Variants in TBC1D30 observed in about 807,000 individuals in gnomAD.
The protein encoded by TBC1D30 is TBC1 domain family member 30.
Under a neutral mutation model 63.2 loss-of-function variants are expected in TBC1D30, and 31 were observed. The observed-to-expected ratio is 0.49, with a 90% CI of 0.37 to 0.66. The LOEUF (loss-of-function observed/expected upper bound fraction) is 0.66. Ranked by LOEUF, TBC1D30 falls within the 30% of genes least tolerant of loss-of-function variation. TBC1D30 has a pLI of 0.00. For missense variants in TBC1D30, 810 were observed against 953.6 expected (o/e 0.85, Z 1.98); for synonymous variants, 307 against 361.5 (o/e 0.85, Z 1.71).
At chr12:64,843,769 G>A (rs910154019) in intron 8 of TBC1D30, among the ~76,000 whole-genome samples, 1 of 152,086 alleles carries the variant, frequency 6.6e-6, no homozygotes. Context: ...AAATCACCAA[G>A]TGCTTATTCT....
chr12:64,792,253 T>G (rs1871967536), intron 2 of TBC1D30, among the ~76,000 whole-genome samples: 1 of 152,186 alleles, frequency 6.6e-6, no homozygotes, highest in African/African-American at 2.4e-5. Context: ...TGTTAAAAGC[T>G]CCCTGTGTGC....
At chr12:64,873,311 G>A (rs1197986043) in intron 11 of TBC1D30, among the ~76,000 whole-genome samples, 1 of 152,156 alleles carries the variant, frequency 6.6e-6, no homozygotes, top group African/African-American at 2.4e-5. Flanking sequence ...TGAAGATTTA[G>A]TTAGGTCACT....
intron 10 of TBC1D30, 48 bp downstream of exon 10, chr12:64,866,951 T>C: frequency 6.5e-7 from 1 of 1,527,548 alleles, no homozygotes; most frequent in Non-Finnish European, 8.8e-7. Flanking sequence ...ATTGGTTTAC[T>C]ACAATAAGAG....
chr12:64,787,250 C>T, intron 2 of TBC1D30: 1 of 330,200 alleles, frequency 3.0e-6, no homozygotes, highest in Non-Finnish European at 4.3e-6. Flanking sequence ...ACATTAAATA[C>T]TAGGTATAAA....
upstream of TBC1D30, among the ~76,000 whole-genome samples, chr12:64,776,867 C>G (rs1426392824): frequency 6.6e-6 from 1 of 152,212 alleles, no homozygotes; most frequent in Non-Finnish European, 1.5e-5. Context: ...CAACAAAATA[C>G]TGGCAAACTG....
chr12:64,870,855 G>T (rs965846215), intron 11 of TBC1D30, 47 bp downstream of exon 11: 1 of 1,519,300 alleles, frequency 6.6e-7, no homozygotes, highest in African/African-American at 1.4e-5. Flanking sequence ...ATCTCAACTT[G>T]TAAAATGAAG....
upstream of TBC1D30, among the ~76,000 whole-genome samples, chr12:64,824,240 G>A (rs1874081871): frequency 6.6e-6 from 1 of 151,738 alleles, no homozygotes; most frequent in East Asian, 1.9e-4. Context: ...CATTTTCTCC[G>A]CGCCTCTCTA....
chr12:64,860,648 G>A (rs1024233318), intron 8 of TBC1D30, among the ~76,000 whole-genome samples: 1 of 152,236 alleles, frequency 6.6e-6, no homozygotes. Flanking sequence ...GTATGAAAAT[G>A]CAGACATTTG....
At chr12:64,810,184 T>C (rs1333375904) in intron 2 of TBC1D30, among the ~76,000 whole-genome samples, 1 of 152,158 alleles carries the variant, frequency 6.6e-6, no homozygotes, top group African/African-American at 2.4e-5. Context: ...AATAGCAAAA[T>C]ATAGCTCCCA....
intron 2 of TBC1D30, among the ~76,000 whole-genome samples, chr12:64,816,035 CTTTT>C (rs11338586): frequency 7.0e-6 from 1 of 143,352 alleles, no homozygotes. Flanking sequence ...GTTCAGAATA[CTTTT>C]TTTTTTTTTT....
intron 1 of TBC1D30, among the ~76,000 whole-genome samples, chr12:64,765,453 C>T (rs1870672872): frequency 7.8e-6 from 1 of 128,986 alleles, no homozygotes. Flanking sequence ...TGCGCCACTA[C>T]ACTCCAGTAG....
At chr12:64,772,183 G>A (rs1231148654) in intron 1 of TBC1D30, among the ~76,000 whole-genome samples, 1 of 147,380 alleles carries the variant, frequency 6.8e-6, no homozygotes, top group African/African-American at 2.5e-5. Context: ...GTTGTGGTGA[G>A]CCGAGATCGT....
chr12:64,800,151 G>A (rs1331617117), intron 2 of TBC1D30, among the ~76,000 whole-genome samples: 1 of 152,086 alleles, frequency 6.6e-6, no homozygotes, highest in African/African-American at 2.4e-5. Context: ...TGTGCCCTGT[G>A]GACAGGGGTA....
intron 2 of TBC1D30, among the ~76,000 whole-genome samples, chr12:64,794,324 A>G (rs1872118164): frequency 6.6e-6 from 1 of 151,608 alleles, no homozygotes; most frequent in South Asian, 2.1e-4. Context: ...CAGTTCTGGA[A>G]ATTTTCTCTG....
At chr12:64,777,722 A>G (rs948472298), upstream of TBC1D30, among the ~76,000 whole-genome samples, 1 of 152,214 alleles carries the variant, frequency 6.6e-6, no homozygotes, top group African/African-American at 2.4e-5. Context: ...CCATTAAACT[A>G]CCATTGACAT....
At chr12:64,803,029 G>A (rs1282907555) in intron 2 of TBC1D30, among the ~76,000 whole-genome samples, 1 of 152,194 alleles carries the variant, frequency 6.6e-6, no homozygotes, top group Non-Finnish European at 1.5e-5. Context: ...GGATGGCTGG[G>A]TCAAATGGTA....
At chr12:64,836,732 T>A in intron 6 of TBC1D30, 74 bp downstream of exon 6, 1 of 1,312,120 alleles carries the variant, frequency 7.6e-7, no homozygotes, top group East Asian at 2.5e-5. Flanking sequence ...AGCCTAAACA[T>A]TGAATGGAAA....
In TBC1D30 at chr12:64,809,547, A is replaced by G. The variant is rs150053315; in HGVS notation, c.644-18288A>G. Among the ~76,000 whole-genome samples, 409 of 152,352 alleles carry G rather than the reference A, an allele frequency of 2.7e-3. 1 individual carries two copies. The highest frequency in any genetic ancestry group is 4.4e-3 in the Non-Finnish European group (300 of 68,038). ...TTTCGCAATTGCAAATTGTGCTGCT[A>G]TAAACATGCATGTGCAAGTGTCCTT... On this transcript the variant is annotated intron_variant, in intron 2 of 12. Transcript: ENST00000542120.
At chr12:64,837,828 A>G (rs1315022373) in intron 6 of TBC1D30, among the ~76,000 whole-genome samples, 3 of 152,176 alleles carry the variant, frequency 2.0e-5, no homozygotes, top group Non-Finnish European at 4.4e-5. Context: ...AGTGAGCTAC[A>G]TGTTTTTACC....
Sources: allele counts gnomAD v4.1 joint callset (sites outside exome capture counted in the v4.1 genomes callset), GRCh38; gene constraint gnomAD v4.1.1; transcripts MANE v1.5; gene names NCBI Gene and HGNC (gene_info 2026-07-23, HGNC 2026-07-21).